The following ANKRD13B variants were observed in gnomAD, a reference collection of about 807,000 sequenced individuals.
ANKRD13B encodes ankyrin repeat domain 13B, also known as ankyrin repeat domain-containing protein 13B.
In ANKRD13B, 33 loss-of-function variants were observed where a neutral mutation model predicts 74.4. The ratio of observed to expected loss-of-function variants is 0.44; its 90% CI spans 0.34 to 0.59. The LOEUF (loss-of-function observed/expected upper bound fraction) is 0.59, where lower values mean the gene tolerates loss of function less well. Ranked by LOEUF, ANKRD13B falls within the 20% of genes least tolerant of loss-of-function variation. The pLI is 0.02. For missense variants in ANKRD13B, 676 were observed against 877.9 expected, an observed-to-expected ratio of 0.77 and a Z score of 2.91; for synonymous variants, 341 against 362.9, an observed-to-expected ratio of 0.94 and a Z score of 0.68.
chr17:29,611,802 C>G lies in ANKRD13B; in HGVS notation c.970-74C>G. The G allele has an allele frequency of 1.3e-6, 2 of 1,564,590 alleles. No individual in the cohort carries two copies. Among genetic ancestry groups the G allele is most frequent in the Non-Finnish European group, 1.7e-6 (2 of 1,152,462 alleles). ...CTGGCAGAGGGGACAGCTTGGGGGC[C>G]TTGTGACAACAAATGAGTTGGCCTG... On this transcript the variant is annotated intron_variant, in intron 9 of 14. Coordinates refer to ENST00000394859, the MANE Select transcript of ANKRD13B (RefSeq NM_152345.5). The surrounding 1 kb of genome is among the most constrained non-coding windows in gnomAD (Gnocchi z 4.3).
Position 29,612,409 on chromosome 17 carries a change from G to T in ANKRD13B, c.1266G>T (p.Pro422=). 1.2e-6 allele frequency: 2 copies of T among 1,612,566 alleles called. No homozygotes were observed. Among genetic ancestry groups the T allele is most frequent in the South Asian group, 1.1e-5 (1 of 90,800 alleles). The stretch of plus-strand genomic sequence containing the variant: ...AGGTTTCCTCATCCTCAGAAATCCC[G>T]ATCTTCCACATCCTCAACGCCCGCA... The part of the protein sequence containing the change: ...PPGFPVKIEI[P]IFHILNARIT... The change falls in exon 12 of 15, where the codon CCG becomes CCT. Residue 422 remains proline (P), a synonymous_variant. Coordinates refer to ENST00000394859, the MANE Select transcript of ANKRD13B (RefSeq NM_152345.5). This position sits in a 1 kb window ranked among gnomAD's most constrained non-coding sequence, Gnocchi z 6.1.
intron 1 of ANKRD13B, among the ~76,000 whole-genome samples, chr17:29,605,782 C>G (rs1392019687): frequency 1.3e-5 from 2 of 151,904 alleles, no homozygotes; most frequent in African/African-American, 4.8e-5. Context: ...ATATATTTTG[C>G]AGCAATAATT....
intron 1 of ANKRD13B, 122 bp from the exon 2 acceptor site, chr17:29,607,620 T>C (rs1179460896): frequency 7.3e-7 from 1 of 1,362,334 alleles, no homozygotes; most frequent in East Asian, 2.4e-5. Context: ...CTTGTGAGGT[T>C]GGTGAGGCAG....
At chr17:29,604,543 T>C (rs1567789275) in intron 1 of ANKRD13B, among the ~76,000 whole-genome samples, 1 of 148,506 alleles carries the variant, frequency 6.7e-6, no homozygotes, top group African/African-American at 2.5e-5. Flanking sequence ...TTTTCTTTTC[T>C]TTTCTTTTTT....
chr17:29,602,123 T>C (rs2034201911), intron 1 of ANKRD13B, among the ~76,000 whole-genome samples: 2 of 152,246 alleles, frequency 1.3e-5, no homozygotes, highest in South Asian at 2.1e-4. Context: ...TGGCCGGGTG[T>C]GGTGGCTCAC....
At chr17:29,601,764 GAAA>G (rs74267071) in intron 1 of ANKRD13B, among the ~76,000 whole-genome samples, 2 of 137,636 alleles carry the variant, frequency 1.5e-5, no homozygotes, top group Non-Finnish European at 3.2e-5. Context: ...CTGGATTAGA[GAAA>G]AAAAAAAAAA....
intron 1 of ANKRD13B, 73 bp downstream of exon 1, chr17:29,593,808 G>A: frequency 1.1e-6 from 1 of 930,984 alleles, no homozygotes; most frequent in Non-Finnish European, 1.4e-6. Flanking sequence ...AGGGGGTGCG[G>A]CGCGGGCTGT....
chr17:29,612,631 A>G lies in ANKRD13B; in HGVS notation c.1412-21A>G, dbSNP rs1295752706. The G allele has an allele frequency of 6.5e-7, 1 of 1,527,584 alleles. No homozygotes were observed. The highest frequency in any genetic ancestry group is 8.8e-7 in the Non-Finnish European group (1 of 1,141,562). 94.6% of individuals were successfully genotyped at this position (1,527,584 alleles called of 1,614,324 possible). A position where few individuals can be genotyped will look rare whatever the true frequency, so the allele number is the denominator to read the frequency against. ...GGAGGGGCGCGCCCGGCCGTGCCTG[A>G]CCCAGCCCCCGCGCCCCCAGCCTCC... On this transcript the variant is annotated intron_variant, in intron 12 of 14. Transcript: ENST00000394859. This position sits in a 1 kb window ranked among gnomAD's most constrained non-coding sequence, Gnocchi z 6.1.
chr17:29,605,630 C>G (rs2034344027), intron 1 of ANKRD13B, among the ~76,000 whole-genome samples: 1 of 152,092 alleles, frequency 6.6e-6, no homozygotes, highest in South Asian at 2.1e-4. Context: ...TCATACCCGG[C>G]TAATTCTTTT....
In ANKRD13B at chr17:29,612,152, CCT is replaced by C; in HGVS notation, c.1138_1139del (p.Leu380ValfsTer4). 6.2e-7 allele frequency: 1 copy of C among 1,614,120 alleles called. No homozygotes were observed. The highest frequency in any genetic ancestry group is 8.5e-7 in the Non-Finnish European group (1 of 1,180,014). ...AKLWLCEEHP[L>X]SLCEQVAPII... ...AGCTGTGGCTGTGTGAGGAGCATCCCCTGTCCCTGTGTGAGCAGGTGGCCCCC... is the reference window on the plus strand; with the variant it reads ...AGCTGTGGCTGTGTGAGGAGCATCCCGTCCCTGTGTGAGCAGGTGGCCCCC... On this transcript the variant is annotated frameshift_variant, in exon 11 of 15. Transcript: ENST00000394859. LOFTEE classifies it high-confidence loss of function. This position sits in a 1 kb window ranked among gnomAD's most constrained non-coding sequence, Gnocchi z 6.1.
chr17:29,599,633 C>T (rs1485606050), intron 1 of ANKRD13B, among the ~76,000 whole-genome samples: 1 of 152,028 alleles, frequency 6.6e-6, no homozygotes, highest in Non-Finnish European at 1.5e-5. Context: ...GCAGGTGCAG[C>T]TGTCCAGGAA....
intron 1 of ANKRD13B, among the ~76,000 whole-genome samples, chr17:29,594,287 C>T (rs1304824452): frequency 6.6e-6 from 1 of 152,220 alleles, no homozygotes; most frequent in Non-Finnish European, 1.5e-5. Flanking sequence ...GGAGAAAGAC[C>T]CTCTTGGGAG....
intron 1 of ANKRD13B, among the ~76,000 whole-genome samples, chr17:29,605,627 C>G (rs564788442): frequency 3.9e-5 from 6 of 152,098 alleles, no homozygotes; most frequent in African/African-American, 1.4e-4. Flanking sequence ...CCATCATACC[C>G]GGCTAATTCT....
Position 29,608,254 on chromosome 17 carries a change from A to C in ANKRD13B, c.421+14A>C, listed in dbSNP as rs1382838034. ...TCACTAGCTGGGGTAAGCGGGCTGC[A>C]GCAGGTCGCTTCTGGGCTCTCCCAC... is the stretch of plus-strand genomic sequence containing the variant. On this transcript the variant is annotated intron_variant, in intron 4 of 14. Coordinates refer to ENST00000394859, the MANE Select transcript of ANKRD13B (RefSeq NM_152345.5). This position sits in a 1 kb window ranked among gnomAD's most constrained non-coding sequence, Gnocchi z 6.4. 1 of 1,614,096 alleles carries C rather than the reference A, an allele frequency of 6.2e-7. No individual in the cohort carries two copies. Among genetic ancestry groups the C allele is most frequent in the Admixed American group, 1.7e-5 (1 of 60,024 alleles).
At chr17:29,596,564 C>T (rs1260951344) in intron 1 of ANKRD13B, among the ~76,000 whole-genome samples, 2 of 152,136 alleles carry the variant, frequency 1.3e-5, no homozygotes, top group Admixed American at 6.5e-5. Flanking sequence ...TGGGCTGGGC[C>T]TGGGGAGCAG....
chr17:29,593,657 C>T lies in ANKRD13B; in HGVS notation c.36C>T (p.Pro12=). Residue 12 remains proline, a synonymous_variant, in exon 1 of 15, where the codon CCC becomes CCT. Transcript: ENST00000394859. The stretch of plus-strand genomic sequence containing the variant: ...CCAACGCCTCCGCCAGGAAGGGGCC[C>T]GAGGGCAAGTATCCGCTGCACTACC... ...IPANASARKG[P]EGKYPLHYLV... The T allele has an allele frequency of 1.4e-6, 2 of 1,424,764 alleles. No homozygotes were observed. Among genetic ancestry groups the T allele is most frequent in the Non-Finnish European group, 9.3e-7 (1 of 1,077,776 alleles). 88.3% of individuals were successfully genotyped at this position (1,424,764 alleles called of 1,614,324 possible).
rs542169693 is a variant in ANKRD13B at position 29,607,808 on chromosome 17, C to G, written c.181C>G (p.Leu61Val). ...GCACCTGGCCACCACGCTGGGGCAC[C>G]TTGAGTGTGCCCGTGTGCTCCTGGC... ...PLHLATTLGH[L>V]ECARVLLAHG... The change falls in exon 2 of 15, where the codon CTT becomes GTT. Residue 61 changes from leucine to valine, a missense_variant. Around this residue, in one of 4 missense-constraint regions of ANKRD13B, gnomAD observed 328 missense variants for 518.4 expected, o/e 0.63. Transcript: ENST00000394859. 35 of 1,604,292 alleles carry G rather than the reference C, an allele frequency of 2.2e-5. No homozygotes were observed. In the South Asian group the frequency reaches 3.7e-4, roughly 17 times the overall value.
intron 1 of ANKRD13B, among the ~76,000 whole-genome samples, chr17:29,600,656 C>T (rs2034137763): frequency 1.3e-5 from 2 of 152,126 alleles, no homozygotes; most frequent in South Asian, 4.1e-4. Flanking sequence ...AACCAGCCTC[C>T]CTGCACTCAG....
intron 1 of ANKRD13B, among the ~76,000 whole-genome samples, chr17:29,596,827 G>A (rs2033971371): frequency 6.6e-6 from 1 of 152,196 alleles, no homozygotes. Context: ...AGGAAGCTCG[G>A]GAGAGGGAGC....
Sources: gnomAD v4.1 joint callset for allele counts (sites outside exome capture counted in the v4.1 genomes callset) on GRCh38, gnomAD v4.1.1 for gene constraint, gnomAD v4.1.1 regional missense constraint, Gnocchi (gnomAD v3.1) non-coding constraint, MANE v1.5 for transcripts, NCBI Gene and HGNC (gene_info 2026-07-23, HGNC 2026-07-21) for gene names.